The following KIF26B variants were observed in gnomAD, a reference collection of about 807,000 sequenced individuals.
KIF26B encodes the protein kinesin-like protein KIF26B.
A neutral mutation model predicts 151.2 loss-of-function variants in KIF26B; 63 were observed. The ratio of observed to expected loss-of-function variants is 0.42; its 90% confidence interval spans 0.34 to 0.51. The LOEUF is 0.51. Ranked by LOEUF, KIF26B falls within the 20% of genes least tolerant of loss-of-function variation. The pLI, the probability that KIF26B is intolerant of heterozygous loss-of-function variation, is 0.07. For missense variants in KIF26B, 2,813 were observed against 2,913.6 expected (o/e 0.97, Z 0.79); for synonymous variants, 1,357 against 1,262.1 (o/e 1.08, Z -1.59).
chr1:245,502,294 C>A (rs774825863), intron 4 of KIF26B, among the ~76,000 whole-genome samples: 1 of 151,910 alleles, frequency 6.6e-6, no homozygotes, highest in East Asian at 1.9e-4. Context: ...TTTGGGAGGC[C>A]GAGGTGGGCA....
In KIF26B at chr1:245,264,928, G is replaced by A. The variant is rs1194659163; in HGVS notation, c.466-101906G>A. On this transcript the variant is annotated intron_variant, in intron 2 of 14. Coordinates refer to ENST00000407071, the MANE Select transcript of KIF26B (RefSeq NM_018012.4). Reference sequence around the variant, plus strand: ...AAAAAAAAGAGCCCTGGCCAGGCACGGTGGCTCACGCCTGTAATCCCAGCA... The same window carrying A: ...AAAAAAAAGAGCCCTGGCCAGGCACAGTGGCTCACGCCTGTAATCCCAGCA... Among the ~76,000 whole-genome samples the A allele has an allele frequency of 7.6e-5, 11 of 144,310 alleles. 1 individual carries two copies. In the South Asian group the frequency reaches 1.1e-3, roughly 14 times the overall value. The allele number at this position is 144,310 out of a possible 152,430, so 94.7% of individuals were successfully genotyped here. A position where few individuals can be genotyped will look rare whatever the true frequency, so the allele number is the denominator to read the frequency against.
intron 3 of KIF26B, among the ~76,000 whole-genome samples, chr1:245,400,155 G>A (rs573691168): frequency 6.6e-6 from 1 of 152,142 alleles, no homozygotes; most frequent in African/African-American, 2.4e-5. Context: ...TTTTCTGAGG[G>A]TGCAATTTTA....
intron 5 of KIF26B, among the ~76,000 whole-genome samples, chr1:245,542,404 C>T (rs1034287260): frequency 1.3e-5 from 2 of 152,258 alleles, no homozygotes; most frequent in Non-Finnish European, 2.9e-5. Context: ...AGCATCCAGT[C>T]CTGGAGCTTT....
intron 2 of KIF26B, among the ~76,000 whole-genome samples, chr1:245,269,316 C>T (rs1427272557): frequency 7.4e-6 from 1 of 135,202 alleles, no homozygotes; most frequent in East Asian, 2.1e-4. Context: ...GTGGCTGCCA[C>T]CATTCTACTT....
At chr1:245,531,431 C>T (rs1661356401) in intron 4 of KIF26B, among the ~76,000 whole-genome samples, 1 of 151,870 alleles carries the variant, frequency 6.6e-6, no homozygotes, top group African/African-American at 2.4e-5. Context: ...TTTTTTTCAA[C>T]CCGTAATGTG....
intron 3 of KIF26B, among the ~76,000 whole-genome samples, chr1:245,391,864 G>A (rs1185694774): frequency 6.6e-6 from 1 of 151,982 alleles, no homozygotes; most frequent in African/African-American, 2.4e-5. Context: ...TAGGTATATA[G>A]TGTATTTACG....
intron 2 of KIF26B, among the ~76,000 whole-genome samples, chr1:245,190,888 C>G (rs1374272447): frequency 6.7e-6 from 1 of 149,922 alleles, no homozygotes; most frequent in Non-Finnish European, 1.5e-5. Flanking sequence ...GGTGAAACAC[C>G]ATCTCTACTA....
At chr1:245,278,250 C>T (rs1285386458) in intron 2 of KIF26B, among the ~76,000 whole-genome samples, 1 of 152,136 alleles carries the variant, frequency 6.6e-6, no homozygotes, top group East Asian at 1.9e-4. Context: ...GTGTCATCAG[C>T]GTCCTCTTTC....
intron 10 of KIF26B, among the ~76,000 whole-genome samples, chr1:245,652,197 T>C (rs10924280): frequency 0.043 from 6,563 of 151,796 alleles, 210 homozygotes; most frequent in African/African-American, 0.081. Context: ...TAATGCTGTA[T>C]TTTCTCCCCC....
chr1:245,211,711 T>G (rs1447841153), intron 2 of KIF26B, among the ~76,000 whole-genome samples: 3 of 152,180 alleles, frequency 2.0e-5, no homozygotes, highest in African/African-American at 7.2e-5. Context: ...TGATAACTTT[T>G]TATAAAGAAA....
chr1:245,212,808 C>G (rs1011497244), intron 2 of KIF26B, among the ~76,000 whole-genome samples: 1 of 152,228 alleles, frequency 6.6e-6, no homozygotes, highest in Non-Finnish European at 1.5e-5. Context: ...TAGTAGAGTC[C>G]CGTCCACTTA....
chr1:245,294,739 T>C (rs964094606), intron 2 of KIF26B, among the ~76,000 whole-genome samples: 4 of 152,144 alleles, frequency 2.6e-5, no homozygotes, highest in African/African-American at 9.7e-5. Flanking sequence ...CTCGGCTCAC[T>C]GCAACCTCCA....
chr1:245,573,351 G>A (rs1439791159), intron 5 of KIF26B, among the ~76,000 whole-genome samples: 3 of 152,122 alleles, frequency 2.0e-5, no homozygotes, highest in Admixed American at 1.3e-4. Context: ...ACGAAACCCC[G>A]TCTCTACTAA....
At chr1:245,461,303 T>C (rs1354342060) in intron 4 of KIF26B, among the ~76,000 whole-genome samples, 3 of 151,780 alleles carry the variant, frequency 2.0e-5, no homozygotes, top group South Asian at 2.1e-4. Context: ...CCAATTTTTA[T>C]CTTTTTTTTT....
At chr1:245,591,633 A>G (rs1381690025) in intron 5 of KIF26B, among the ~76,000 whole-genome samples, 2 of 152,204 alleles carry the variant, frequency 1.3e-5, no homozygotes, top group Non-Finnish European at 2.9e-5. Flanking sequence ...GGAGTGGGTC[A>G]TCAGGCATGC....
intron 2 of KIF26B, among the ~76,000 whole-genome samples, chr1:245,174,373 C>A (rs1336380906): frequency 3.9e-5 from 6 of 151,978 alleles, no homozygotes; most frequent in Admixed American, 3.3e-4. Context: ...CGTGGTGTCT[C>A]TTAAATTCAC....
At chr1:245,600,027 T>G (rs563269605) in intron 5 of KIF26B, among the ~76,000 whole-genome samples, 1 of 151,496 alleles carries the variant, frequency 6.6e-6, no homozygotes, top group Non-Finnish European at 1.5e-5. Flanking sequence ...CAAGGAGTTC[T>G]AAAACCTTAT....
intron 5 of KIF26B, among the ~76,000 whole-genome samples, chr1:245,594,940 G>A (rs1386563385): frequency 6.6e-6 from 1 of 151,396 alleles, no homozygotes; most frequent in African/African-American, 2.4e-5. Context: ...ATTGTGAATG[G>A]GAGTTCACTC....
chr1:245,256,689 C>T (rs375724110), intron 2 of KIF26B, among the ~76,000 whole-genome samples: 8 of 152,262 alleles, frequency 5.3e-5, no homozygotes, highest in Non-Finnish European at 8.8e-5. Context: ...GGCTGTGGGA[C>T]GTGCCTCCAT....
Sources: allele counts gnomAD v4.1 joint callset (sites outside exome capture counted in the v4.1 genomes callset), GRCh38; gene constraint gnomAD v4.1.1; transcripts MANE v1.5; gene names NCBI Gene and HGNC (gene_info 2026-07-23, HGNC 2026-07-21).